The following PLPPR1 variants were observed in gnomAD, a reference collection of about 807,000 sequenced individuals.
PLPPR1 encodes phospholipid phosphatase related 1.
Under a neutral mutation model 33.1 loss-of-function variants are expected in PLPPR1, and 10 were observed. The ratio of observed to expected loss-of-function variants is 0.30; its 90% CI spans 0.19 to 0.51. The LOEUF is 0.51. Among genes scored for constraint, PLPPR1 ranks in the 20% least tolerant of loss-of-function variants. The pLI is 0.97. For synonymous variants in PLPPR1, 151 were observed against 151.0 expected, an observed-to-expected ratio of 1.00 and a Z score of 0.00; for missense variants, 304 against 408.1, an observed-to-expected ratio of 0.74 and a Z score of 2.20.
chr9:101,135,854 A>G (rs1171927452), intron 1 of PLPPR1, among the ~76,000 whole-genome samples: 1 of 152,166 alleles, frequency 6.6e-6, no homozygotes, highest in Non-Finnish European at 1.5e-5. Context: ...CTGTCTGCCC[A>G]GCAGGCTCTC....
chr9:101,040,378 CTA>C (rs1169030378), intron 1 of PLPPR1, among the ~76,000 whole-genome samples: 1 of 152,076 alleles, frequency 6.6e-6, no homozygotes, highest in African/African-American at 2.4e-5. Flanking sequence ...TTTTTTCATA[CTA>C]TGTCACAAGA....
chr9:101,163,059 G>T (rs551881708), intron 1 of PLPPR1, among the ~76,000 whole-genome samples: 1 of 152,260 alleles, frequency 6.6e-6, no homozygotes, highest in East Asian at 1.9e-4. Flanking sequence ...AAGCTTTTCT[G>T]AAAATAGATG....
At chr9:101,123,499 G>C (rs1831201556) in intron 1 of PLPPR1, among the ~76,000 whole-genome samples, 1 of 152,142 alleles carries the variant, frequency 6.6e-6, no homozygotes, top group Non-Finnish European at 1.5e-5. Context: ...TCAAAGGATT[G>C]AGAAAAAGAC....
At position 101,046,769 on chromosome 9, in the gene PLPPR1, G is replaced by A. The variant is rs751628152; in HGVS notation, c.-46+17667G>A. 7.2e-5 allele frequency among the ~76,000 whole-genome samples: 11 copies of A among 152,098 alleles called. No homozygotes were observed. The South Asian group carries it at 1.2e-3, about 17-fold the overall frequency. ...ACCTCTTTTAGTGTTACAAAACCCAGTAAAACATCCTTTAATCTCTCAGTG... is the reference window on the plus strand; with the variant it reads ...ACCTCTTTTAGTGTTACAAAACCCAATAAAACATCCTTTAATCTCTCAGTG... On this transcript the variant is annotated intron_variant, in intron 1 of 7. Transcript: ENST00000374874.
At chr9:101,276,970 T>A (rs10124833) in intron 3 of PLPPR1, among the ~76,000 whole-genome samples, 19,967 of 152,230 alleles carry the variant, frequency 0.13, 1,591 homozygotes, top group African/African-American at 0.22. Flanking sequence ...GCCAAAGTTC[T>A]GCAAGTAAGG....
chr9:101,157,509 G>T (rs1242335032), intron 1 of PLPPR1, among the ~76,000 whole-genome samples: 2 of 152,094 alleles, frequency 1.3e-5, no homozygotes, highest in African/African-American at 2.4e-5. Flanking sequence ...TATTGTGATG[G>T]TTAAAACCAT....
intron 4 of PLPPR1, among the ~76,000 whole-genome samples, chr9:101,296,131 A>G (rs377580188): frequency 5.1e-4 from 78 of 152,092 alleles, no homozygotes; most frequent in East Asian, 1.5e-3. Flanking sequence ...ATCAAAAAGT[A>G]GGCGAAGGAC....
intron 1 of PLPPR1, among the ~76,000 whole-genome samples, chr9:101,159,123 T>C (rs1185040055): frequency 2.0e-5 from 3 of 152,180 alleles, no homozygotes; most frequent in Non-Finnish European, 4.4e-5. Context: ...CCAGTTTCAA[T>C]AGAAGTAGAA....
chr9:101,218,875 ATAAGTTGC>A (rs1826862400), intron 2 of PLPPR1, among the ~76,000 whole-genome samples: 1 of 152,232 alleles, frequency 6.6e-6, no homozygotes, highest in African/African-American at 2.4e-5. Flanking sequence ...ATGCTTTCAA[ATAAGTTGC>A]TAAGGAAAGT....
intron 1 of PLPPR1, among the ~76,000 whole-genome samples, chr9:101,120,756 A>G (rs951346299): frequency 5.9e-5 from 9 of 152,232 alleles, no homozygotes; most frequent in African/African-American, 2.2e-4. Context: ...CAAATGGCTT[A>G]AGAATCTCTG....
chr9:101,130,550 T>C (rs889221817), intron 1 of PLPPR1, among the ~76,000 whole-genome samples: 2 of 152,244 alleles, frequency 1.3e-5, no homozygotes, highest in Non-Finnish European at 2.9e-5. Context: ...TGTTAAGCAC[T>C]TATTTTTTGT....
intron 1 of PLPPR1, among the ~76,000 whole-genome samples, chr9:101,154,777 C>T (rs1831653871): frequency 6.6e-6 from 1 of 151,974 alleles, no homozygotes; most frequent in Non-Finnish European, 1.5e-5. Flanking sequence ...GAATACTATG[C>T]AGCCATAAAA....
chr9:101,297,721 C>A (rs1400495506), intron 4 of PLPPR1, among the ~76,000 whole-genome samples: 1 of 152,086 alleles, frequency 6.6e-6, no homozygotes, highest in East Asian at 1.9e-4. Context: ...CAAATTTTAC[C>A]TGTACTTTAT....
At chr9:101,204,065 A>G (rs1252616828) in intron 2 of PLPPR1, among the ~76,000 whole-genome samples, 2 of 152,200 alleles carry the variant, frequency 1.3e-5, no homozygotes, top group Non-Finnish European at 2.9e-5. Context: ...ATTTCCCATT[A>G]GTCTTCAGAA....
At chr9:101,051,272 A>T (rs72741404) in intron 1 of PLPPR1, among the ~76,000 whole-genome samples, 18 of 135,194 alleles carry the variant, frequency 1.3e-4, no homozygotes, top group East Asian at 6.7e-4. Flanking sequence ...TACTACTACT[A>T]CTTCTACTAC....
rs561218974 is a variant in PLPPR1, at chr9:101,167,028, G to A, written c.-45-18422G>A. 3.6e-5 allele frequency among the ~76,000 whole-genome samples: 5 copies of A among 138,734 alleles called. No homozygotes were observed. In the South Asian group the frequency reaches 1.3e-3, roughly 36 times the overall value. 91.0% of individuals were successfully genotyped at this position (138,734 alleles called of 152,430 possible). ...GGACTTCCTGGCAGTGATTTCTGAG[G>A]GTGCCAGAAGATCTATTGAAAAAAA... On this transcript the variant is annotated intron_variant, in intron 1 of 7. Coordinates refer to ENST00000374874, the MANE Select transcript of PLPPR1 (RefSeq NM_207299.2).
At chr9:101,310,237 C>T (rs913041036) in intron 5 of PLPPR1, among the ~76,000 whole-genome samples, 1 of 152,022 alleles carries the variant, frequency 6.6e-6, no homozygotes, top group African/African-American at 2.4e-5. Context: ...TTCTTAGGAC[C>T]CAGAATATAG....
chr9:101,179,079 C>A (rs1467397870), intron 1 of PLPPR1, among the ~76,000 whole-genome samples: 3 of 152,110 alleles, frequency 2.0e-5, no homozygotes, highest in Non-Finnish European at 4.4e-5. Context: ...GGATAATAGA[C>A]CTGGACTGTC....
chr9:101,118,755 G>T (rs1364886171), intron 1 of PLPPR1, among the ~76,000 whole-genome samples: 1 of 152,140 alleles, frequency 6.6e-6, no homozygotes, highest in Non-Finnish European at 1.5e-5. Flanking sequence ...AATTGTCTTT[G>T]CTTCTCATTC....
Sources: gnomAD v4.1 joint callset for allele counts (sites outside exome capture counted in the v4.1 genomes callset) on GRCh38, gnomAD v4.1.1 for gene constraint, MANE v1.5 for transcripts, NCBI Gene and HGNC (gene_info 2026-07-23, HGNC 2026-07-21) for gene names.